ACAP2: variants seen among roughly 807,000 people sequenced by gnomAD.
ACAP2 encodes the protein arf-GAP with coiled-coil, ANK repeat and PH domain-containing protein 2.
Under a neutral mutation model 115.8 loss-of-function variants are expected in ACAP2, and 39 were observed. The ratio of observed to expected loss-of-function variants is 0.34; its 90% CI spans 0.26 to 0.44. ACAP2 has a LOEUF of 0.44. Ranked by LOEUF, ACAP2 falls within the 20% of genes least tolerant of loss-of-function variation. The pLI is 1.00. For missense variants in ACAP2, 662 were observed against 927.6 expected, an observed-to-expected ratio of 0.71 and a Z score of 3.72; for synonymous variants, 289 against 315.8, an observed-to-expected ratio of 0.92 and a Z score of 0.90.
intron 2 of ACAP2, among the ~76,000 whole-genome samples, chr3:195,382,390 A>G (rs1289769266): frequency 6.6e-6 from 1 of 152,048 alleles, no homozygotes; most frequent in East Asian, 1.9e-4. Context: ...AAATGTCTCT[A>G]ATACCTATTG....
chr3:195,401,560 C>CGG (rs1317918354), intron 1 of ACAP2, among the ~76,000 whole-genome samples: 1 of 152,078 alleles, frequency 6.6e-6, no homozygotes, highest in Non-Finnish European at 1.5e-5. Context: ...CCAGCTACAC[C>CGG]GGTTGCTGAG....
At chr3:195,327,331 A>G (rs1283021363) in intron 8 of ACAP2, among the ~76,000 whole-genome samples, 1 of 152,190 alleles carries the variant, frequency 6.6e-6, no homozygotes, top group African/African-American at 2.4e-5. Context: ...AAAGACACGA[A>G]GAAGACACTA....
At chr3:195,327,073 T>G (rs942780144) in intron 8 of ACAP2, 114 bp from the exon 9 acceptor site, 1 of 1,013,780 alleles carries the variant, frequency 9.9e-7, no homozygotes. Context: ...TTTAAGCTGA[T>G]TTAATAAAGT....
chr3:195,282,008 T>C (rs1440634067), intron 22 of ACAP2: 1 of 152,206 alleles, frequency 6.6e-6, no homozygotes, highest in Admixed American at 6.5e-5. Flanking sequence ...AAGGCACACA[T>C]TATACATTCA....
intron 10 of ACAP2, among the ~76,000 whole-genome samples, chr3:195,315,438 T>C (rs1729025999): frequency 6.6e-6 from 1 of 152,262 alleles, no homozygotes; most frequent in Non-Finnish European, 1.5e-5. Context: ...ATAACGTAAG[T>C]GCTTCAGGAA....
At chr3:195,326,211 A>G (rs1729784050) in intron 9 of ACAP2, 2 of 152,224 alleles carry the variant, frequency 1.3e-5, no homozygotes, top group South Asian at 4.1e-4. Flanking sequence ...TCTATATTCA[A>G]CTTCAGCACT....
intron 22 of ACAP2, among the ~76,000 whole-genome samples, chr3:195,281,928 A>G (rs1275065289): frequency 1.3e-5 from 2 of 152,246 alleles, no homozygotes; most frequent in Non-Finnish European, 2.9e-5. Context: ...TTTCCAAGAA[A>G]GTGTAAAGTG....
intron 13 of ACAP2, among the ~76,000 whole-genome samples, chr3:195,302,584 G>GT (rs201657792): frequency 2.2e-4 from 33 of 148,508 alleles, no homozygotes; most frequent in South Asian, 4.3e-4. Flanking sequence ...GCTAGTCATT[G>GT]TTTTTTTTTT....
At chr3:195,399,494 T>A (rs890340643) in intron 1 of ACAP2, among the ~76,000 whole-genome samples, 112 of 152,142 alleles carry the variant, frequency 7.4e-4, no homozygotes, top group African/African-American at 2.5e-3. Context: ...AGAAAAAAAA[T>A]TTTGTTTTCC....
At chr3:195,403,908 C>T (rs915166087) in intron 1 of ACAP2, among the ~76,000 whole-genome samples, 11 of 152,052 alleles carry the variant, frequency 7.2e-5, no homozygotes, top group African/African-American at 2.7e-4. Flanking sequence ...TAGATAGTAT[C>T]GGCAGCCATT....
At chr3:195,326,390 A>G (rs1318861062) in intron 9 of ACAP2, 1 of 152,488 alleles carries the variant, frequency 6.6e-6, no homozygotes, top group East Asian at 1.9e-4. Flanking sequence ...CTAGGCTTAG[A>G]CAATTTAACA....
chr3:195,369,267 TTTTTATTTAGC>T (rs1204005493), intron 4 of ACAP2, among the ~76,000 whole-genome samples: 1 of 152,208 alleles, frequency 6.6e-6, no homozygotes, highest in African/African-American at 2.4e-5. Context: ...AATGCTTAAT[TTTTTATTTAGC>T]TTTTATTTTA....
At position 195,382,003 on chromosome 3, in the gene ACAP2, G is replaced by A. The variant is rs750685148; in HGVS notation, c.131C>T (p.Ala44Val). Residue 44 changes from alanine (A) to valine (V), a missense_variant, in exon 3 of 23, where the codon GCA becomes GTA. Transcript: ENST00000326793. ...AAAGGCTTTTCCAGTATCAATCATT[G>A]CAATACAAAGTTTCACAAGCTGAAA... is the stretch of plus-strand genomic sequence containing the variant. Reference protein sequence around the residue: ...KLDKLVKLCIAMIDTGKAFCV... With the variant: ...KLDKLVKLCIVMIDTGKAFCV... 1.9e-5 allele frequency: 31 copies of A among 1,601,056 alleles called. No homozygotes were observed. Among genetic ancestry groups the A allele is most frequent in the Non-Finnish European group, 2.6e-5 (31 of 1,176,602 alleles).
intron 1 of ACAP2, among the ~76,000 whole-genome samples, chr3:195,435,734 T>C (rs1291963812): frequency 6.6e-6 from 1 of 152,218 alleles, no homozygotes; most frequent in Non-Finnish European, 1.5e-5. Flanking sequence ...TTCAATACTT[T>C]AAAATTTATT....
intron 4 of ACAP2, among the ~76,000 whole-genome samples, chr3:195,365,606 T>C (rs1732662274): frequency 6.6e-6 from 1 of 151,836 alleles, no homozygotes; most frequent in Non-Finnish European, 1.5e-5. Context: ...TCAGCTACCA[T>C]AGCACTCTCT....
intron 1 of ACAP2, among the ~76,000 whole-genome samples, chr3:195,420,049 TAGAA>T (rs1434782203): frequency 1.3e-5 from 2 of 152,228 alleles, no homozygotes; most frequent in African/African-American, 2.4e-5. Flanking sequence ...ATTTATACAT[TAGAA>T]AGAATTTATA....
At chr3:195,362,646 A>G (rs1732450001) in intron 4 of ACAP2, among the ~76,000 whole-genome samples, 1 of 152,338 alleles carries the variant, frequency 6.6e-6, no homozygotes, top group Non-Finnish European at 1.5e-5. Context: ...ACCAACTGGG[A>G]TTTAATCCAG....
At chr3:195,352,408 TAAAAG>T (rs1462786769) in intron 4 of ACAP2, among the ~76,000 whole-genome samples, 6 of 152,150 alleles carry the variant, frequency 3.9e-5, no homozygotes, top group East Asian at 3.8e-4. Flanking sequence ...AAACAATAAA[TAAAAG>T]AAATTAAATA....
At chr3:195,345,377 G>A (rs1030512125) in intron 4 of ACAP2, 60 bp from the exon 5 acceptor site, 17 of 1,060,818 alleles carry the variant, frequency 1.6e-5, no homozygotes, top group African/African-American at 1.4e-4. Context: ...TTTTCTTATC[G>A]TGCTATAAAT....
Sources: allele counts gnomAD v4.1 joint callset (sites outside exome capture counted in the v4.1 genomes callset), GRCh38; gene constraint gnomAD v4.1.1; transcripts MANE v1.5; gene names NCBI Gene and HGNC (gene_info 2026-07-23, HGNC 2026-07-21).